Variants in AFG3L2 observed in about 807,000 individuals in gnomAD.
AFG3L2 encodes AFG3 like matrix AAA peptidase subunit 2.
In AFG3L2, 54 loss-of-function variants were observed where a neutral mutation model predicts 94.5. That is an observed-to-expected ratio of 0.57 (90% confidence interval 0.46 to 0.72). AFG3L2 has a LOEUF of 0.72. Among genes scored for constraint, AFG3L2 ranks in the 30% least tolerant of loss-of-function variants. The pLI, the probability that AFG3L2 is intolerant of heterozygous loss-of-function variation, is 0.00. For synonymous variants in AFG3L2, 377 were observed against 365.5 expected (o/e 1.03, Z -0.36); for missense variants, 754 against 994.9 (o/e 0.76, Z 3.26).
At chr18:12,347,921 A>G (rs976164984) in intron 13 of AFG3L2, among the ~76,000 whole-genome samples, 1 of 152,216 alleles carries the variant, frequency 6.6e-6, no homozygotes, top group Non-Finnish European at 1.5e-5. Flanking sequence ...AAACTTTTGT[A>G]AACAGGAAGG....
intron 16 of AFG3L2, among the ~76,000 whole-genome samples, chr18:12,333,978 G>A (rs1846560057): frequency 6.6e-6 from 1 of 152,188 alleles, no homozygotes; most frequent in Non-Finnish European, 1.5e-5. Flanking sequence ...TGAAACTGAT[G>A]TAAGAGGTCA....
intron 3 of AFG3L2, 119 bp downstream of exon 3, chr18:12,370,730 A>G: frequency 1.4e-6 from 1 of 723,808 alleles, no homozygotes; most frequent in Middle Eastern, 2.7e-4. Flanking sequence ...AAAGGCTGGG[A>G]TTACAGGCGT....
At chr18:12,367,176 T>A in intron 4 of AFG3L2, 59 bp from the exon 5 acceptor site, 1 of 1,613,066 alleles carries the variant, frequency 6.2e-7, no homozygotes. Context: ...CGATCTATGC[T>A]CTGTGAGACA....
chr18:12,353,237 G>A (rs1028642714), intron 9 of AFG3L2, 79 bp from the exon 10 acceptor site: 83 of 1,546,460 alleles, frequency 5.4e-5, no homozygotes, highest in Non-Finnish European at 5.8e-5. Context: ...TAAATCGGCC[G>A]GGCACAGTGG....
Position 12,377,178 on chromosome 18 carries a change from C to T in AFG3L2, c.-96G>A, listed in dbSNP as rs12327346. 6 of 992,842 alleles carry T rather than the reference C, an allele frequency of 6.0e-6. No homozygotes were observed. Among genetic ancestry groups the T allele is most frequent in the African/African-American group, 1.7e-5 (1 of 57,422 alleles). The allele number at this position is 992,842 out of a possible 1,614,324, so 61.5% of individuals were successfully genotyped here. ...GAAGCGGGCTCGGCTCGGGGAAAGG[C>T]CGCCAGGCAGCGAAGCGCGCCGGCG... On this transcript the variant is annotated 5_prime_UTR_variant, in exon 1 of 17. Coordinates refer to ENST00000269143, the MANE Select transcript of AFG3L2 (RefSeq NM_006796.3).
intron 13 of AFG3L2, among the ~76,000 whole-genome samples, chr18:12,347,620 G>A (rs575038399): frequency 2.0e-5 from 3 of 151,036 alleles, no homozygotes; most frequent in African/African-American, 7.3e-5. Context: ...GCACGATCTC[G>A]GCTCACCATA....
At chr18:12,337,708 C>A (rs534485226) in intron 15 of AFG3L2, among the ~76,000 whole-genome samples, 173 bp from the exon 16 acceptor site, 1 of 152,158 alleles carries the variant, frequency 6.6e-6, no homozygotes, top group Admixed American at 6.5e-5. Context: ...AGCCAGAAGC[C>A]CAGGCATAAC....
chr18:12,360,282 G>A, intron 6 of AFG3L2: 3 of 491,546 alleles, frequency 6.1e-6, no homozygotes, highest in South Asian at 5.8e-5. Context: ...ATATCTCAGT[G>A]GCTCTAAAAT....
At position 12,377,077 on chromosome 18, in the gene AFG3L2, C is replaced by T; in HGVS notation, c.6G>A (p.Ala2=). The change falls in exon 1 of 17, where the codon GCG becomes GCA. Residue 2 remains alanine, a synonymous_variant. Transcript: ENST00000269143. ...GGCCCCACAGCCGCAAACAGCGGTG[C>T]GCCATGGCCGCCGCCGTGGCCCTCT... M[A]HRCLRLWGRG... 2.8e-6 allele frequency: 4 copies of T among 1,418,150 alleles called. No homozygotes were observed. The highest frequency in any genetic ancestry group is 3.2e-5 in the East Asian group (1 of 31,498). The allele number at this position is 1,418,150 out of a possible 1,614,324, so 87.8% of individuals were successfully genotyped here.
intron 4 of AFG3L2, 49 bp from the exon 5 acceptor site, chr18:12,367,166 C>T (rs768869630): frequency 6.8e-6 from 11 of 1,612,992 alleles, no homozygotes; most frequent in South Asian, 4.4e-5. Context: ...TTCCACAATA[C>T]GATCTATGCT....
intron 1 of AFG3L2, among the ~76,000 whole-genome samples, chr18:12,375,148 C>T (rs1445815583): frequency 1.3e-5 from 2 of 151,574 alleles, no homozygotes; most frequent in African/African-American, 4.8e-5. Flanking sequence ...ACCTACCACA[C>T]GGCAGCGTGG....
At chr18:12,339,177 C>T (rs1298360959) in intron 15 of AFG3L2, among the ~76,000 whole-genome samples, 3 of 129,046 alleles carry the variant, frequency 2.3e-5, no homozygotes, top group African/African-American at 3.0e-5. Context: ...GCAGGCGGAG[C>T]TTGCAGTGTG....
chr18:12,340,561 G>T (rs1209949509), intron 14 of AFG3L2, among the ~76,000 whole-genome samples, 160 bp from the exon 15 acceptor site: 1 of 150,490 alleles, frequency 6.6e-6, no homozygotes, highest in Admixed American at 6.7e-5. Flanking sequence ...TGCTCAGGAG[G>T]AGTATTTTCT....
At position 12,356,694 on chromosome 18, in the gene AFG3L2, T is replaced by C. The variant is rs113619982; in HGVS notation, c.1164A>G (p.Arg388=). The change falls in exon 9 of 17, where the codon AGA becomes AGG. Residue 388 remains arginine, a splice_region_variant and synonymous_variant. Coordinates refer to ENST00000269143, the MANE Select transcript of AFG3L2 (RefSeq NM_006796.3). ...LEMFVGVGPA[R]VRDLFALARK... is the part of the protein sequence containing the mutation. ...ACCATCCGAACAGAATGAGACTCAC[T>C]CTAGCAGGGCCCACACCAACGAACA... 8.7e-6 allele frequency: 14 copies of C among 1,614,110 alleles called. No individual in the cohort carries two copies. The highest frequency in any genetic ancestry group is 5.3e-5 in the African/African-American group (4 of 75,024).
chr18:12,366,230 T>C (rs1407385259), intron 5 of AFG3L2, among the ~76,000 whole-genome samples: 2 of 152,198 alleles, frequency 1.3e-5, no homozygotes, highest in Non-Finnish European at 2.9e-5. Context: ...GAAATGGAGA[T>C]CCATTTTACA....
At chr18:12,356,349 G>A (rs992014124) in intron 9 of AFG3L2, among the ~76,000 whole-genome samples, 8 of 151,948 alleles carry the variant, frequency 5.3e-5, no homozygotes, top group African/African-American at 1.9e-4. Context: ...ACAGGGTTTC[G>A]CCATGTTGGC....
chr18:12,353,990 C>G (rs756061056), intron 9 of AFG3L2, among the ~76,000 whole-genome samples: 10 of 152,152 alleles, frequency 6.6e-5, no homozygotes, highest in Non-Finnish European at 1.5e-5. Flanking sequence ...CTGCCACCCA[C>G]CCCACCACAG....
intron 1 of AFG3L2, among the ~76,000 whole-genome samples, chr18:12,373,736 GAGA>G (rs1375633302): frequency 6.6e-6 from 1 of 152,226 alleles, no homozygotes; most frequent in African/African-American, 2.4e-5. Flanking sequence ...AACACGGTGG[GAGA>G]AGGTCAATGG....
chr18:12,360,298 ACT>A (rs1428231235), intron 6 of AFG3L2: 3 of 455,590 alleles, frequency 6.6e-6, no homozygotes, highest in African/African-American at 6.0e-5. Flanking sequence ...AAAATTATAA[ACT>A]CAAAAAACAG....
Sources: allele counts gnomAD v4.1 joint callset (sites outside exome capture counted in the v4.1 genomes callset), GRCh38; gene constraint gnomAD v4.1.1; transcripts MANE v1.5; gene names NCBI Gene and HGNC (gene_info 2026-07-23, HGNC 2026-07-21).